Variants in PCTP observed in about 807,000 individuals in gnomAD.
The protein encoded by PCTP is START domain-containing protein 2.
PCTP carries 27 observed loss-of-function variants against 31.0 expected under a neutral mutation model. The ratio of observed to expected loss-of-function variants is 0.87; its 90% CI spans 0.64 to 1.20. PCTP has a LOEUF of 1.20. Ranked by LOEUF, PCTP falls within the 50% of genes most tolerant of loss-of-function variation. The pLI, the probability that PCTP is intolerant of heterozygous loss-of-function variation, is 0.00. For missense variants in PCTP, 287 were observed against 268.2 expected (o/e 1.07, Z -0.49); for synonymous variants, 108 against 101.2 (o/e 1.07, Z -0.40).
At chr17:55,779,040 C>G (rs1911466028), downstream of PCTP, among the ~76,000 whole-genome samples, 1 of 152,140 alleles carries the variant, frequency 6.6e-6, no homozygotes, top group Admixed American at 6.5e-5. Flanking sequence ...GCTGGACTTG[C>G]AAGAGATGAG....
intron 3 of PCTP, among the ~76,000 whole-genome samples, chr17:55,811,675 C>T (rs1053413437): frequency 2.6e-5 from 4 of 152,208 alleles, no homozygotes; most frequent in Non-Finnish European, 5.9e-5. Context: ...GCTGGGATGT[C>T]GTCACTGTGG....
chr17:55,773,830 T>C lies in PCTP; in HGVS notation c.446T>C (p.Val149Ala), dbSNP rs748046760. Residue 149 changes from valine to alanine, a missense_variant, in exon 4 of 6, where the codon GTG becomes GCG. Physicochemically the swap from Val to Ala is moderately conservative, Grantham distance 64. Coordinates refer to ENST00000268896, the MANE Select transcript of PCTP (RefSeq NM_021213.4). ...SMPQLGERSG[V>A]IRVKQYKQSL... ...CCTCAGCTTGGCGAGAGGTCTGGGGTGATCCGGGTGAAGCAATACAAGCAG... is the reference window on the plus strand; with the variant it reads ...CCTCAGCTTGGCGAGAGGTCTGGGGCGATCCGGGTGAAGCAATACAAGCAG... The C allele has an allele frequency of 4.3e-6, 7 of 1,612,572 alleles. No individual in the cohort carries two copies. Among genetic ancestry groups the C allele is most frequent in the Non-Finnish European group, 5.9e-6 (7 of 1,179,292 alleles).
At chr17:55,831,814 G>C (rs1181244801) in intron 5 of PCTP, among the ~76,000 whole-genome samples, 1 of 152,172 alleles carries the variant, frequency 6.6e-6, no homozygotes, top group African/African-American at 2.4e-5. Flanking sequence ...GGACGTGGTG[G>C]CTCACACCTG....
At chr17:55,826,898 C>G (rs923739604), downstream of PCTP, among the ~76,000 whole-genome samples, 3 of 152,182 alleles carry the variant, frequency 2.0e-5, no homozygotes, top group Non-Finnish European at 4.4e-5. Flanking sequence ...CCAACACACA[C>G]CAGCCCCTCA....
At chr17:55,766,881 G>C (rs922898693) in intron 1 of PCTP, among the ~76,000 whole-genome samples, 2 of 152,076 alleles carry the variant, frequency 1.3e-5, no homozygotes, top group Non-Finnish European at 2.9e-5. Flanking sequence ...CCCACCAACA[G>C]TGTAAAAGTA....
chr17:55,834,970 T>C (rs1905730949), intron 5 of PCTP, among the ~76,000 whole-genome samples: 5 of 152,170 alleles, frequency 3.3e-5, no homozygotes, highest in Admixed American at 3.3e-4. Flanking sequence ...AAGGTCATTC[T>C]AGAATAGGGT....
chr17:55,778,452 G>A (rs1354597078), downstream of PCTP, among the ~76,000 whole-genome samples: 2 of 152,170 alleles, frequency 1.3e-5, no homozygotes, highest in Non-Finnish European at 2.9e-5. Context: ...CCTTGGGGTA[G>A]TATATAGTAG....
chr17:55,815,682 C>A (rs1452903936), intron 3 of PCTP, among the ~76,000 whole-genome samples: 1 of 152,190 alleles, frequency 6.6e-6, no homozygotes, highest in East Asian at 1.9e-4. Context: ...ATCCCTGACT[C>A]CTTTCCCCTT....
At chr17:55,843,371 AG>A (rs1183423343), downstream of PCTP, among the ~76,000 whole-genome samples, 1 of 152,146 alleles carries the variant, frequency 6.6e-6, no homozygotes, top group Non-Finnish European at 1.5e-5. Flanking sequence ...ATGAAGCACT[AG>A]GAAGTCTTTT....
intron 1 of PCTP, among the ~76,000 whole-genome samples, chr17:55,765,138 T>C (rs1046440927): frequency 1.3e-5 from 2 of 152,222 alleles, no homozygotes; most frequent in Non-Finnish European, 2.9e-5. Flanking sequence ...GTTTTTCATT[T>C]TCAGTCTTTT....
chr17:55,782,496 C>A (rs1350171344), intron 2 of PCTP, among the ~76,000 whole-genome samples: 1 of 152,224 alleles, frequency 6.6e-6, no homozygotes, highest in East Asian at 1.9e-4. Flanking sequence ...GAAATACTAT[C>A]TCCAACTTAC....
chr17:55,841,829 GCTGA>G (rs1046121519), intron 5 of PCTP, among the ~76,000 whole-genome samples: 28 of 152,220 alleles, frequency 1.8e-4, no homozygotes, highest in African/African-American at 6.7e-4. Context: ...TCTCATTCTG[GCTGA>G]CTGTTTTAAT....
intron 5 of PCTP, among the ~76,000 whole-genome samples, chr17:55,838,330 T>C (rs1385871593): frequency 6.6e-6 from 1 of 152,132 alleles, no homozygotes; most frequent in Non-Finnish European, 1.5e-5. Flanking sequence ...AAATCTGCAA[T>C]AGAGGTTGTC....
intron 3 of PCTP, among the ~76,000 whole-genome samples, chr17:55,795,218 C>G (rs1912146330): frequency 6.6e-6 from 1 of 151,996 alleles, no homozygotes. Flanking sequence ...GATGTTTACC[C>G]TTGAAAGCCT....
At chr17:55,816,732 TTC>T (rs1192048405) in intron 3 of PCTP, among the ~76,000 whole-genome samples, 3 of 152,058 alleles carry the variant, frequency 2.0e-5, no homozygotes, top group Non-Finnish European at 4.4e-5. Context: ...AAGACTGGAG[TTC>T]TCTTATAAGT....
chr17:55,813,898 C>T (rs894612794), intron 3 of PCTP, among the ~76,000 whole-genome samples: 7 of 151,932 alleles, frequency 4.6e-5, no homozygotes, highest in Admixed American at 1.3e-4. Context: ...AAAACATAGC[C>T]GGCCATAGTG....
chr17:55,763,367 G>T (rs1231717292), intron 1 of PCTP, among the ~76,000 whole-genome samples: 1 of 151,842 alleles, frequency 6.6e-6, no homozygotes. Context: ...CGTTCTGCAA[G>T]GTTTGTAAAA....
intron 3 of PCTP, among the ~76,000 whole-genome samples, chr17:55,821,636 A>G (rs1490250595): frequency 6.6e-6 from 1 of 152,230 alleles, no homozygotes; most frequent in Non-Finnish European, 1.5e-5. Flanking sequence ...AAGTCTCATA[A>G]TAAATATGCC....
intron 4 of PCTP, among the ~76,000 whole-genome samples, chr17:55,774,360 G>A (rs893341850): frequency 9.2e-5 from 14 of 152,282 alleles, no homozygotes; most frequent in Admixed American, 2.6e-4. Flanking sequence ...AGTGGGGTGC[G>A]AGGCCACCTG....
Sources: allele counts gnomAD v4.1 joint callset (sites outside exome capture counted in the v4.1 genomes callset), GRCh38; gene constraint gnomAD v4.1.1; transcripts MANE v1.5; gene names NCBI Gene and HGNC (gene_info 2026-07-23, HGNC 2026-07-21).